The following CDH8 variants were observed in gnomAD, a reference collection of about 807,000 sequenced individuals.
CDH8 encodes the protein cadherin-8.
CDH8 carries 17 observed loss-of-function variants against 68.1 expected under a neutral mutation model. The observed-to-expected ratio is 0.25, with a 90% CI of 0.17 to 0.37. CDH8 has a LOEUF of 0.37. CDH8 is among the 10% of genes least tolerant of loss of function. The probability of loss-of-function intolerance (pLI) is 1.00; values close to 1 mark genes in which losing one functional copy is unlikely to be tolerated. For synonymous variants in CDH8, 372 were observed against 365.1 expected, an observed-to-expected ratio of 1.02 and a Z score of -0.21; for missense variants, 763 against 999.3, an observed-to-expected ratio of 0.76 and a Z score of 3.19.
chr16:61,959,328 G>C (rs1474750566), intron 2 of CDH8, among the ~76,000 whole-genome samples: 1 of 152,002 alleles, frequency 6.6e-6, no homozygotes, highest in Non-Finnish European at 1.5e-5. Flanking sequence ...AAATATAAAG[G>C]GTGTTTTCCT....
At chr16:61,846,057 A>G (rs1480794100) in intron 4 of CDH8, among the ~76,000 whole-genome samples, 1 of 152,118 alleles carries the variant, frequency 6.6e-6, no homozygotes, top group East Asian at 1.9e-4. Context: ...TTAAGGAACG[A>G]AGGACTGATT....
intron 10 of CDH8, among the ~76,000 whole-genome samples, chr16:61,682,544 T>C (rs1287046172): frequency 6.6e-6 from 1 of 151,960 alleles, no homozygotes; most frequent in Non-Finnish European, 1.5e-5. Context: ...TTAAAAATTA[T>C]TAGTATTCCC....
chr16:61,893,837 T>A (rs943703257), intron 3 of CDH8, among the ~76,000 whole-genome samples: 8 of 152,094 alleles, frequency 5.3e-5, no homozygotes, highest in Non-Finnish European at 1.0e-4. Context: ...TGTAAATAAA[T>A]ACACAAGCAA....
intron 1 of CDH8, among the ~76,000 whole-genome samples, chr16:62,035,755 G>A (rs1046224508): frequency 6.6e-6 from 1 of 152,152 alleles, no homozygotes; most frequent in Non-Finnish European, 1.5e-5. Flanking sequence ...GGGAAGCGGC[G>A]AAATAGCCAA....
chr16:61,905,922 G>T (rs1294765826), intron 2 of CDH8, among the ~76,000 whole-genome samples: 1 of 151,620 alleles, frequency 6.6e-6, no homozygotes, highest in African/African-American at 2.4e-5. Context: ...AAAAAAAAAA[G>T]CTTCAGATCT....
At chr16:61,782,442 C>G (rs1224337311) in intron 8 of CDH8, among the ~76,000 whole-genome samples, 4 of 152,098 alleles carry the variant, frequency 2.6e-5, no homozygotes, top group Non-Finnish European at 5.9e-5. Context: ...GGTCCTACGC[C>G]CACGGAGTCT....
chr16:61,930,233 C>T (rs968400132), intron 2 of CDH8, among the ~76,000 whole-genome samples: 2 of 151,226 alleles, frequency 1.3e-5, no homozygotes, highest in African/African-American at 4.9e-5. Context: ...AGAGTGATTG[C>T]CCAGGATTTT....
intron 10 of CDH8, among the ~76,000 whole-genome samples, chr16:61,664,869 G>T (rs1417080444): frequency 3.3e-5 from 5 of 152,018 alleles, no homozygotes; most frequent in East Asian, 1.9e-4. Context: ...TAGTCAAGGA[G>T]AAATTTCTTC....
intron 2 of CDH8, among the ~76,000 whole-genome samples, chr16:61,938,163 G>C (rs1326263512): frequency 6.6e-6 from 1 of 152,060 alleles, no homozygotes; most frequent in East Asian, 1.9e-4. Flanking sequence ...CATTGAGTGT[G>C]TATCTCACTG....
At chr16:61,898,292 T>G (rs556998157) in intron 3 of CDH8, among the ~76,000 whole-genome samples, 4 of 150,642 alleles carry the variant, frequency 2.7e-5, no homozygotes, top group Non-Finnish European at 5.9e-5. Flanking sequence ...AAAATAAGAC[T>G]CTGTCTCAAA....
Position 61,741,623 on chromosome 16 carries a change from C to T in CDH8, c.1415-14408G>A, listed in dbSNP as rs921753444. Among the ~76,000 whole-genome samples, 5 of 152,032 alleles carry T rather than the reference C, an allele frequency of 3.3e-5. No individual in the cohort carries two copies. In the South Asian group the frequency reaches 1.0e-3, roughly 31 times the overall value. On this transcript the variant is annotated intron_variant, in intron 8 of 11. Coordinates refer to ENST00000577390, the MANE Select transcript of CDH8 (RefSeq NM_001796.5). ...ATCCAGTTTATGGTCCACATTATTGCTATTTCCCCCTGTGGCATCTTTGTT... is the reference window on the plus strand; with the variant it reads ...ATCCAGTTTATGGTCCACATTATTGTTATTTCCCCCTGTGGCATCTTTGTT...
chr16:61,796,040 T>C (rs1333135251), intron 7 of CDH8, among the ~76,000 whole-genome samples: 2 of 152,070 alleles, frequency 1.3e-5, no homozygotes, highest in Non-Finnish European at 2.9e-5. Context: ...ATTGTGAAGT[T>C]ACTCAAAAAA....
intron 10 of CDH8, among the ~76,000 whole-genome samples, chr16:61,684,478 C>T (rs545962012): frequency 1.3e-5 from 2 of 152,072 alleles, no homozygotes; most frequent in South Asian, 4.1e-4. Context: ...AGTTAAACAA[C>T]AACATTATAA....
chr16:61,898,232 G>A (rs769856776), intron 3 of CDH8, among the ~76,000 whole-genome samples: 2 of 151,920 alleles, frequency 1.3e-5, no homozygotes, highest in Admixed American at 6.6e-5. Flanking sequence ...ACAGGGAGGC[G>A]GAGTTTGCAG....
At chr16:61,942,899 G>A (rs772874313) in intron 2 of CDH8, among the ~76,000 whole-genome samples, 10 of 151,866 alleles carry the variant, frequency 6.6e-5, no homozygotes, top group Non-Finnish European at 1.0e-4. Flanking sequence ...CGGCAAAACC[G>A]CACCTCTACA....
At chr16:61,661,051 C>G (rs935426564) in intron 10 of CDH8, among the ~76,000 whole-genome samples, 1 of 151,812 alleles carries the variant, frequency 6.6e-6, no homozygotes, top group African/African-American at 2.4e-5. Flanking sequence ...AGTTTTTCTC[C>G]TTTTTTGTCT....
intron 3 of CDH8, among the ~76,000 whole-genome samples, chr16:61,882,843 C>G (rs1027047835): frequency 6.6e-6 from 1 of 152,152 alleles, no homozygotes; most frequent in Non-Finnish European, 1.5e-5. Context: ...ACCTATGTAA[C>G]AAACCTGCAC....
intron 1 of CDH8, among the ~76,000 whole-genome samples, chr16:62,026,585 C>T (rs753703787): frequency 6.6e-6 from 1 of 152,148 alleles, no homozygotes; most frequent in Non-Finnish European, 1.5e-5. Flanking sequence ...TTTGGGGAAA[C>T]CTTGAACTAG....
intron 8 of CDH8, among the ~76,000 whole-genome samples, chr16:61,755,360 A>G (rs1400130481): frequency 1.3e-5 from 2 of 152,178 alleles, no homozygotes; most frequent in African/African-American, 4.8e-5. Context: ...TATATATAGT[A>G]TACATTTAAT....
Sources: allele counts gnomAD v4.1 joint callset (sites outside exome capture counted in the v4.1 genomes callset), GRCh38; gene constraint gnomAD v4.1.1; transcripts MANE v1.5; gene names NCBI Gene and HGNC (gene_info 2026-07-23, HGNC 2026-07-21).